Variants in ATAD2B observed in about 807,000 individuals in gnomAD.
ATAD2B encodes ATPase family AAA domain-containing protein 2B.
Under a neutral mutation model 167.6 loss-of-function variants are expected in ATAD2B, and 40 were observed. The ratio of observed to expected loss-of-function variants is 0.24; its 90% CI spans 0.19 to 0.31. The LOEUF (loss-of-function observed/expected upper bound fraction) is 0.31. Ranked by LOEUF, ATAD2B falls within the 10% of genes least tolerant of loss-of-function variation. ATAD2B has a pLI of 1.00. For synonymous variants in ATAD2B, 579 were observed against 596.5 expected (o/e 0.97, Z 0.43); for missense variants, 1,242 against 1,757.2 (o/e 0.71, Z 5.24).
Position 23,884,757 on chromosome 2 carries a change from T to C in ATAD2B, c.784+8A>G. The stretch of plus-strand genomic sequence containing the variant: ...ACTTTCTAGAATTCCAAAAAGTGCT[T>C]TACAAACCTTCTTCTTCACCCTCAG... On this transcript the variant is annotated splice_region_variant and intron_variant, in intron 6 of 27. Transcript: ENST00000238789. 1 of 1,543,264 alleles carries C rather than the reference T, an allele frequency of 6.5e-7. No individual in the cohort carries two copies. Among genetic ancestry groups the C allele is most frequent in the Non-Finnish European group, 8.8e-7 (1 of 1,139,256 alleles).
chr2:23,724,426 T>A, the ATAD2B span, among the ~76,000 whole-genome samples: 1 of 151,780 alleles, frequency 6.6e-6, no homozygotes, highest in Non-Finnish European at 1.5e-5. Flanking sequence ...AAAATAAAAG[T>A]AAAAAGAAAA....
In ATAD2B at chr2:23,884,868, G is replaced by A; in HGVS notation, c.681C>T (p.Asn227=). ...LRMWTDTEFE[N]MDMYSRVKRR... is the part of the protein sequence containing the mutation. ...TTTTCACTCTTGAATACATATCCAT[G>A]TTTTCCTTTTAAAGAAAGAAATCTG... is the stretch of plus-strand genomic sequence containing the variant. Residue 227 remains asparagine, a synonymous_variant, in exon 6 of 28, where the codon AAC becomes AAT. Coordinates refer to ENST00000238789, the MANE Select transcript of ATAD2B (RefSeq NM_017552.4). 1 of 1,542,026 alleles carries A rather than the reference G, an allele frequency of 6.5e-7. No homozygotes were observed. The highest frequency in any genetic ancestry group is 8.7e-7 in the Non-Finnish European group (1 of 1,143,348).
At chr2:23,869,886 C>T in intron 8 of ATAD2B, 125 bp from the exon 9 acceptor site, 1 of 661,394 alleles carries the variant, frequency 1.5e-6, no homozygotes, top group Admixed American at 3.0e-5. Context: ...GATTTTTTAC[C>T]CTCATACAAT....
At chr2:23,711,356 T>C in the ATAD2B span, among the ~76,000 whole-genome samples, 53 of 77,716 alleles carry the variant, frequency 6.8e-4, 1 homozygote, top group South Asian at 2.0e-3. Flanking sequence ...TTTTTTTTTT[T>C]TTTTTTTTTT....
rs975137706 is a variant in ATAD2B, at chr2:23,922,511, G to C, written c.216+4044C>G. Among the ~76,000 whole-genome samples, 54 of 152,004 alleles carry C rather than the reference G, an allele frequency of 3.6e-4. 1 individual carries two copies. The highest frequency in any genetic ancestry group is 3.8e-4 in the Non-Finnish European group (26 of 68,008). On this transcript the variant is annotated intron_variant, in intron 1 of 27. Coordinates refer to ENST00000238789, the MANE Select transcript of ATAD2B (RefSeq NM_017552.4). ...AAAAAAAATAAGAAAATTTAAAAGT[G>C]AGGGCACAAAGGCAATCTACAGATT...
intron 13 of ATAD2B, among the ~76,000 whole-genome samples, chr2:23,854,901 A>T (rs372933539): frequency 2.0e-5 from 3 of 152,144 alleles, no homozygotes; most frequent in East Asian, 3.9e-4. Context: ...AAAAATTTCA[A>T]AACAAAGACT....
the ATAD2B span, chr2:23,703,875 C>G: frequency 6.5e-7 from 1 of 1,532,854 alleles, no homozygotes; most frequent in Non-Finnish European, 8.7e-7. Context: ...TGAGAGGCTG[C>G]GGCGCCTTGA....
At chr2:23,693,421 G>A in the ATAD2B span, 18 of 1,551,714 alleles carry the variant, frequency 1.2e-5, no homozygotes, top group African/African-American at 2.7e-5. Flanking sequence ...CTCCAAGGAC[G>A]ACTTCATCGC....
At chr2:23,861,910 A>G (rs934546885) in intron 12 of ATAD2B, among the ~76,000 whole-genome samples, 6 of 152,244 alleles carry the variant, frequency 3.9e-5, no homozygotes, top group African/African-American at 1.2e-4. Flanking sequence ...TAATTTTAAA[A>G]TAGTACTGGG....
intron 1 of ATAD2B, among the ~76,000 whole-genome samples, chr2:23,910,078 G>A (rs756960405): frequency 4.6e-4 from 70 of 151,378 alleles, no homozygotes; most frequent in Admixed American, 8.6e-4. Context: ...TTCCCAGACT[G>A]GTATCAAACT....
chr2:23,818,333 ACAGACG>A (rs1686900947), intron 17 of ATAD2B, among the ~76,000 whole-genome samples: 1 of 137,646 alleles, frequency 7.3e-6, no homozygotes, highest in African/African-American at 2.7e-5. Context: ...ACAGAGAGAC[ACAGACG>A]CACAGGCTAG....
At chr2:23,739,651 G>A in the ATAD2B span, among the ~76,000 whole-genome samples, 13 of 151,980 alleles carry the variant, frequency 8.6e-5, no homozygotes, top group Non-Finnish European at 1.8e-4. Context: ...CTAGAAAAGC[G>A]AGAGCAAACA....
At chr2:23,731,867 C>G in the ATAD2B span, among the ~76,000 whole-genome samples, 170 of 151,938 alleles carry the variant, frequency 1.1e-3, 1 homozygote, top group African/African-American at 4.0e-3. Flanking sequence ...GTCCTAGCTA[C>G]TCAGGAGGCT....
In ATAD2B at chr2:23,887,872, T is replaced by A. The variant is rs1454995112; in HGVS notation, c.532A>T (p.Ser178Cys). ...TCAAATAACAAACTCTGGTTCACAC[T>A]TTCAAATCTGTTTTTCCTGGAACGA... ...SCRSRKNRFE[S>C]VNQSLLFDQL... The change falls in exon 4 of 28, where the codon AGT becomes TGT. Residue 178 changes from serine to cysteine, a missense_variant. By Grantham distance (112) the Ser-to-Cys change is moderately radical. Coordinates refer to ENST00000238789, the MANE Select transcript of ATAD2B (RefSeq NM_017552.4). 6.2e-7 allele frequency: 1 copy of A among 1,609,528 alleles called. No homozygotes were observed. Among genetic ancestry groups the A allele is most frequent in the Non-Finnish European group, 8.5e-7 (1 of 1,178,452 alleles).
intron 8 of ATAD2B, among the ~76,000 whole-genome samples, chr2:23,873,676 G>C (rs369924871): frequency 6.6e-6 from 1 of 152,094 alleles, no homozygotes; most frequent in South Asian, 2.1e-4. Context: ...GGTGTGGTTG[G>C]TTGCATTCAC....
At chr2:23,899,908 A>C (rs1335551316) in intron 1 of ATAD2B, among the ~76,000 whole-genome samples, 3 of 140,622 alleles carry the variant, frequency 2.1e-5, no homozygotes, top group Admixed American at 7.5e-5. Flanking sequence ...TTTCTAATAC[A>C]GTTTTCTTAC....
At chr2:23,875,400 T>C (rs113732527) in intron 8 of ATAD2B, among the ~76,000 whole-genome samples, 18,282 of 151,900 alleles carry the variant, frequency 0.12, 1,178 homozygotes, top group Middle Eastern at 0.22. Context: ...CTCGGGAGGC[T>C]GAGGCAGGAG....
At chr2:23,877,882 C>T (rs773703335) in intron 7 of ATAD2B, among the ~76,000 whole-genome samples, 6 of 149,402 alleles carry the variant, frequency 4.0e-5, no homozygotes, top group Admixed American at 2.0e-4. Context: ...AAAAAAAGAA[C>T]CCAACTTTAC....
chr2:23,821,901 G>A (rs1269736056), intron 16 of ATAD2B, among the ~76,000 whole-genome samples: 7 of 152,018 alleles, frequency 4.6e-5, no homozygotes, highest in African/African-American at 1.4e-4. Flanking sequence ...TGATCCACCC[G>A]CCTTGGCCTC....
Sources: gnomAD v4.1 joint callset for allele counts (sites outside exome capture counted in the v4.1 genomes callset) on GRCh38, gnomAD v4.1.1 for gene constraint, MANE v1.5 for transcripts, NCBI Gene and HGNC (gene_info 2026-07-23, HGNC 2026-07-21) for gene names.